Variants in CRIPT observed in about 807,000 individuals in gnomAD.
CRIPT encodes cysteine-rich PDZ-binding protein.
Under a neutral mutation model 16.6 loss-of-function variants are expected in CRIPT, and 20 were observed. That is an observed-to-expected ratio of 1.20 (90% CI 0.85 to 1.75). The LOEUF (loss-of-function observed/expected upper bound fraction) is 1.75, where lower values mean the gene tolerates loss of function less well. Among genes scored for constraint, CRIPT ranks in the 40% most tolerant of loss-of-function variants. The probability of loss-of-function intolerance (pLI) is 0.00; values close to 1 mark genes in which losing one functional copy is unlikely to be tolerated. For synonymous variants in CRIPT, 42 were observed against 37.0 expected, an observed-to-expected ratio of 1.14 and a Z score of -0.49; for missense variants, 133 against 115.3, an observed-to-expected ratio of 1.15 and a Z score of -0.70.
chr2:46,628,257 C>T lies in CRIPT; in HGVS notation c.*4030C>T, dbSNP rs1265939195. Among the ~76,000 whole-genome samples, 1 of 151,798 alleles carries T rather than the reference C, an allele frequency of 6.6e-6. No individual in the cohort carries two copies. Among genetic ancestry groups the T allele is most frequent in the Non-Finnish European group, 1.5e-5 (1 of 67,940 alleles). On this transcript the variant is annotated 3_prime_UTR_variant, in exon 5 of 5. Transcript: ENST00000238892. ...TCCCAAATAGCTGGGATTACAGGAG[C>T]CCGCCAACCATGCCCAGCTAATTTA...
intron 3 of CRIPT, among the ~76,000 whole-genome samples, chr2:46,623,342 C>A (rs968746374): frequency 6.6e-6 from 1 of 152,064 alleles, no homozygotes; most frequent in Non-Finnish European, 1.5e-5. Flanking sequence ...TGATTTTCCC[C>A]CAGTTTTCAA....
chr2:46,624,284 C>T lies in CRIPT; in HGVS notation c.*57C>T. 5 of 1,167,544 alleles carry T rather than the reference C, an allele frequency of 4.3e-6. No homozygotes were observed. The highest frequency in any genetic ancestry group is 6.1e-6 in the Non-Finnish European group (5 of 822,980). The allele number at this position is 1,167,544 out of a possible 1,614,324, so 72.3% of individuals were successfully genotyped here. A position where few individuals can be genotyped will look rare whatever the true frequency, so the allele number is the denominator to read the frequency against. On this transcript the variant is annotated 3_prime_UTR_variant, in exon 5 of 5. Transcript: ENST00000238892. ...GATTTTACTTTCTGCCTTGAATTTT[C>T]AAGGCATAGATGTCAACTTACAGAA...
chr2:46,629,671 A>T lies in CRIPT; in HGVS notation c.*5444A>T, dbSNP rs1317547637. Among the ~76,000 whole-genome samples, 1 of 152,190 alleles carries T rather than the reference A, an allele frequency of 6.6e-6. No individual in the cohort carries two copies. Among genetic ancestry groups the T allele is most frequent in the African/African-American group, 2.4e-5 (1 of 41,450 alleles). On this transcript the variant is annotated 3_prime_UTR_variant, in exon 5 of 5. Coordinates refer to ENST00000238892, the MANE Select transcript of CRIPT (RefSeq NM_014171.6). Reference sequence around the variant, plus strand: ...GGTTGAAATGCTGTAAGTGATATGTATTGCAGGTATACATCCAGATGCACA... The same window carrying T: ...GGTTGAAATGCTGTAAGTGATATGTTTTGCAGGTATACATCCAGATGCACA...
intron 1 of CRIPT, 77 bp from the exon 2 acceptor site, chr2:46,618,696 T>C: frequency 1.1e-6 from 1 of 910,246 alleles, no homozygotes; most frequent in Non-Finnish European, 1.7e-6. Flanking sequence ...TCGATACCAT[T>C]GTGAACCTTA....
At chr2:46,618,516 A>G (rs1392169306) in intron 1 of CRIPT, among the ~76,000 whole-genome samples, 3 of 152,232 alleles carry the variant, frequency 2.0e-5, no homozygotes, top group African/African-American at 4.8e-5. Flanking sequence ...AAATAGACTT[A>G]CCAGATTTGT....
In CRIPT at chr2:46,627,284, G is replaced by T. The variant is rs868372616; in HGVS notation, c.*3057G>T. Among the ~76,000 whole-genome samples, 1 of 152,124 alleles carries T rather than the reference G, an allele frequency of 6.6e-6. No individual in the cohort carries two copies. The highest frequency in any genetic ancestry group is 1.5e-5 in the Non-Finnish European group (1 of 68,036). On this transcript the variant is annotated 3_prime_UTR_variant, in exon 5 of 5. Transcript: ENST00000238892. ...TGATAGTTCCTTTTGCGGTGCAGAA[G>T]CTCTTTAGTTTGATTAGGTTCCACT...
At position 46,624,182 on chromosome 2, in the gene CRIPT, A is replaced by G. The variant is rs11555852; in HGVS notation, c.261A>G (p.Gly87=). 8.9e-6 allele frequency: 14 copies of G among 1,579,546 alleles called. No individual in the cohort carries two copies. The highest frequency in any genetic ancestry group is 1.2e-5 in the Non-Finnish European group (14 of 1,159,108). Residue 87 remains glycine, a synonymous_variant, in exon 5 of 5, where the codon GGA becomes GGG. Coordinates refer to ENST00000238892, the MANE Select transcript of CRIPT (RefSeq NM_014171.6). Reference sequence around the variant, plus strand: ...TTTCAGGCATCTGTGCGATGTGTGGAAAAAAGGTTTTGGATACCAAAAACT... The same window carrying G: ...TTTCAGGCATCTGTGCGATGTGTGGGAAAAAGGTTTTGGATACCAAAAACT... ...AYKKGICAMC[G]KKVLDTKNYK...
In CRIPT at chr2:46,626,164, C is replaced by T. The variant is rs922536253; in HGVS notation, c.*1937C>T. 1.3e-5 allele frequency among the ~76,000 whole-genome samples: 2 copies of T among 152,102 alleles called. No homozygotes were observed. The highest frequency in any genetic ancestry group is 2.9e-5 in the Non-Finnish European group (2 of 68,028). On this transcript the variant is annotated 3_prime_UTR_variant, in exon 5 of 5. Coordinates refer to ENST00000238892, the MANE Select transcript of CRIPT (RefSeq NM_014171.6). ...GTCCATGTGTACCCATTGCTTAGTT[C>T]CCACTGATAAGTGAGAACATGCGGT... is the stretch of plus-strand genomic sequence containing the variant.
intron 3 of CRIPT, among the ~76,000 whole-genome samples, chr2:46,623,470 T>A (rs377376684): frequency 6.6e-6 from 1 of 152,208 alleles, no homozygotes; most frequent in Non-Finnish European, 1.5e-5. Context: ...TTCATCAGTT[T>A]CCATAATATT....
chr2:46,623,683 C>G (rs1670865868), intron 3 of CRIPT, 81 bp from the exon 4 acceptor site: 5 of 726,552 alleles, frequency 6.9e-6, no homozygotes, highest in Non-Finnish European at 1.2e-5. Context: ...ATGGATTAAT[C>G]CTGTGTGTTG....
At position 46,627,835 on chromosome 2, in the gene CRIPT, G is replaced by A. The variant is rs142224316; in HGVS notation, c.*3608G>A. On this transcript the variant is annotated 3_prime_UTR_variant, in exon 5 of 5. Transcript: ENST00000238892. ...TGAGTCTTCTGCATATGGCTAGACA[G>A]CTGTTCCAGCACCATTTATTGAATT... Among the ~76,000 whole-genome samples, 24 of 152,290 alleles carry A rather than the reference G, an allele frequency of 1.6e-4. No individual in the cohort carries two copies. Among genetic ancestry groups the A allele is most frequent in the African/African-American group, 4.8e-4 (20 of 41,566 alleles).
chr2:46,620,859 G>A (rs936227148), intron 3 of CRIPT, among the ~76,000 whole-genome samples: 2 of 151,300 alleles, frequency 1.3e-5, no homozygotes, highest in Non-Finnish European at 2.9e-5. Flanking sequence ...TTTTCCTTCC[G>A]TCTTCTCATC....
At chr2:46,619,202 C>G (rs576783718) in intron 2 of CRIPT, among the ~76,000 whole-genome samples, 2 of 152,066 alleles carry the variant, frequency 1.3e-5, no homozygotes, top group Non-Finnish European at 2.9e-5. Flanking sequence ...TGAATAAATG[C>G]TTTAACCCAT....
In CRIPT at chr2:46,627,393, G is replaced by A. The variant is rs182679988; in HGVS notation, c.*3166G>A. On this transcript the variant is annotated 3_prime_UTR_variant, in exon 5 of 5. Transcript: ENST00000238892. ...ATAGCTGATGTCCAGATGTTATTTC[G>A]TAGGTTTTCTTCTAGGACTCTTATA... Among the ~76,000 whole-genome samples, 8 of 151,014 alleles carry A rather than the reference G, an allele frequency of 5.3e-5. No homozygotes were observed. In the East Asian group the frequency reaches 5.8e-4, roughly 11 times the overall value.
chr2:46,618,461 T>C (rs953756854), intron 1 of CRIPT, among the ~76,000 whole-genome samples: 1 of 152,248 alleles, frequency 6.6e-6, no homozygotes, highest in Admixed American at 6.5e-5. Context: ...CTCAGCACTT[T>C]GTATAGTTTA....
chr2:46,618,480 A>G (rs1670722959), intron 1 of CRIPT, among the ~76,000 whole-genome samples: 1 of 152,224 alleles, frequency 6.6e-6, no homozygotes, highest in African/African-American at 2.4e-5. Context: ...TATACATGAT[A>G]GATGCTTAGT....
chr2:46,624,976 C>G lies in CRIPT; in HGVS notation c.*749C>G, dbSNP rs547550761. 2.1e-5 allele frequency: 3 copies of G among 145,438 alleles called. No individual in the cohort carries two copies. The South Asian group carries it at 6.5e-4, about 31-fold the overall frequency. The allele number at this position is 145,438 out of a possible 1,614,324, so 9.0% of individuals were successfully genotyped here. A position where few individuals can be genotyped will look rare whatever the true frequency, so the allele number is the denominator to read the frequency against. Reference sequence around the variant, plus strand: ...TGAGAAAAGCTCTTTGAAGCAAAAACCAAACTTTTTTTTTTTTTTTTTTAC... The same window carrying G: ...TGAGAAAAGCTCTTTGAAGCAAAAAGCAAACTTTTTTTTTTTTTTTTTTAC... On this transcript the variant is annotated 3_prime_UTR_variant, in exon 5 of 5. Coordinates refer to ENST00000238892, the MANE Select transcript of CRIPT (RefSeq NM_014171.6).
intron 2 of CRIPT, 83 bp from the exon 3 acceptor site, chr2:46,619,544 A>G: frequency 2.2e-6 from 2 of 891,372 alleles, no homozygotes; most frequent in South Asian, 1.9e-5. Flanking sequence ...CTATTTTGGT[A>G]GAAAGTCAAG....
rs868332395 is a variant in CRIPT at position 46,626,736 on chromosome 2, A to G, written c.*2509A>G. Among the ~76,000 whole-genome samples the G allele has an allele frequency of 4.0e-5, 6 of 151,702 alleles. No individual in the cohort carries two copies. In the South Asian group the frequency reaches 6.2e-4, roughly 16 times the overall value. On this transcript the variant is annotated 3_prime_UTR_variant, in exon 5 of 5. Transcript: ENST00000238892. ...GATTAGTAATGTTGAGCATTTTTTCATGTTTGTTAACCGCTTGTATGTTGT... is the reference window on the plus strand; with the variant it reads ...GATTAGTAATGTTGAGCATTTTTTCGTGTTTGTTAACCGCTTGTATGTTGT...
Sources: allele counts gnomAD v4.1 joint callset (sites outside exome capture counted in the v4.1 genomes callset), GRCh38; gene constraint gnomAD v4.1.1; transcripts MANE v1.5; gene names NCBI Gene and HGNC (gene_info 2026-07-23, HGNC 2026-07-21).